The following KIF26B variants were observed in gnomAD, a reference collection of about 807,000 sequenced individuals.
KIF26B encodes kinesin family member 26B.
In KIF26B, 63 loss-of-function variants were observed where a neutral mutation model predicts 151.2. That is an observed-to-expected ratio of 0.42 (90% CI 0.34 to 0.51). The LOEUF is 0.51. Ranked by LOEUF, KIF26B falls within the 20% of genes least tolerant of loss-of-function variation. KIF26B has a pLI of 0.07. For synonymous variants in KIF26B, 1,357 were observed against 1,262.1 expected (o/e 1.08, Z -1.59); for missense variants, 2,813 against 2,913.6 (o/e 0.97, Z 0.79).
At chr1:245,570,389 G>A (rs973538269) in intron 5 of KIF26B, among the ~76,000 whole-genome samples, 7 of 152,194 alleles carry the variant, frequency 4.6e-5, no homozygotes, top group Admixed American at 2.0e-4. Context: ...TTTTTTCCTC[G>A]TGATGTTACT....
chr1:245,183,893 AAGGGCAGAC>A (rs1254944675), intron 2 of KIF26B, among the ~76,000 whole-genome samples: 1 of 152,006 alleles, frequency 6.6e-6, no homozygotes, highest in African/African-American at 2.4e-5. Context: ...AGGTTGTCAG[AAGGGCAGAC>A]AGAGTGATGG....
intron 3 of KIF26B, among the ~76,000 whole-genome samples, chr1:245,390,943 A>AAAACAAAACAAAAAAAAAC (rs1553270129): frequency 8.4e-6 from 1 of 118,456 alleles, no homozygotes; most frequent in African/African-American, 4.1e-5. Flanking sequence ...AAAAAAAAAA[A>AAAACAAAACAAAAAAAAAC]AAAAAAAAAC....
At chr1:245,612,283 T>A (rs1423183374) in intron 9 of KIF26B, among the ~76,000 whole-genome samples, 1 of 152,086 alleles carries the variant, frequency 6.6e-6, no homozygotes, top group African/African-American at 2.4e-5. Context: ...GCTATTTATT[T>A]GGTTATCTTT....
At chr1:245,210,723 T>G (rs1406680488) in intron 2 of KIF26B, among the ~76,000 whole-genome samples, 1 of 152,122 alleles carries the variant, frequency 6.6e-6, no homozygotes, top group Admixed American at 6.6e-5. Context: ...GAGCCTGTGG[T>G]AGGCCCTGTC....
At chr1:245,284,489 A>C (rs1384682156) in intron 2 of KIF26B, among the ~76,000 whole-genome samples, 1 of 152,020 alleles carries the variant, frequency 6.6e-6, no homozygotes, top group African/African-American at 2.4e-5. Context: ...GCATTTCTTC[A>C]TTTCATTTAT....
At chr1:245,282,035 A>G (rs935034404) in intron 2 of KIF26B, among the ~76,000 whole-genome samples, 3 of 152,168 alleles carry the variant, frequency 2.0e-5, no homozygotes, top group Non-Finnish European at 4.4e-5. Flanking sequence ...TCCAACTTAC[A>G]AGGGATGTGA....
Position 245,227,432 on chromosome 1 carries a change from G to A in KIF26B, c.465+70749G>A, listed in dbSNP as rs1056120436. On this transcript the variant is annotated intron_variant, in intron 2 of 14. Coordinates refer to ENST00000407071, the MANE Select transcript of KIF26B (RefSeq NM_018012.4). The surrounding 1 kb of genome is among the most constrained non-coding windows in gnomAD (Gnocchi z 4.1). ...ATCTGGGCCTAAGGCTGCGGCCTCC[G>A]TCCTCTTCGCCATCATTGGCCTCTC... is the stretch of plus-strand genomic sequence containing the variant. Among the ~76,000 whole-genome samples, 5 of 152,176 alleles carry A rather than the reference G, an allele frequency of 3.3e-5. No homozygotes were observed. Among genetic ancestry groups the A allele is most frequent in the Admixed American group, 6.5e-5 (1 of 15,288 alleles).
At chr1:245,237,986 A>G (rs1014248421) in intron 2 of KIF26B, among the ~76,000 whole-genome samples, 3 of 150,884 alleles carry the variant, frequency 2.0e-5, no homozygotes, top group Non-Finnish European at 2.9e-5. Context: ...TGATTGCACT[A>G]CTGCACTCCA....
chr1:245,584,355 G>T (rs1192034027), intron 5 of KIF26B, among the ~76,000 whole-genome samples: 1 of 151,422 alleles, frequency 6.6e-6, no homozygotes, highest in Non-Finnish European at 1.5e-5. Context: ...CCCAGACTTG[G>T]GTATTTCTTT....
chr1:245,616,988 G>A (rs1258429414), intron 9 of KIF26B, among the ~76,000 whole-genome samples: 1 of 152,102 alleles, frequency 6.6e-6, no homozygotes, highest in Non-Finnish European at 1.5e-5. Context: ...TTGTAGGCTG[G>A]GCTGCTGTGT....
intron 4 of KIF26B, among the ~76,000 whole-genome samples, chr1:245,500,378 C>G (rs756522368): frequency 6.6e-6 from 1 of 152,182 alleles, no homozygotes; most frequent in Non-Finnish European, 1.5e-5. Context: ...AAATACATCT[C>G]ACATTTGAGG....
chr1:245,571,914 G>T (rs2043069748), intron 5 of KIF26B, among the ~76,000 whole-genome samples: 1 of 152,196 alleles, frequency 6.6e-6, no homozygotes, highest in South Asian at 2.1e-4. Flanking sequence ...CATCAAAGGG[G>T]CTAATCGTCC....
intron 3 of KIF26B, among the ~76,000 whole-genome samples, chr1:245,398,073 A>G (rs1464787104): frequency 6.6e-6 from 1 of 152,186 alleles, no homozygotes; most frequent in African/African-American, 2.4e-5. Flanking sequence ...AAAGGGCTGA[A>G]TGAATACCCT....
At chr1:245,186,867 T>C (rs1669009356) in intron 2 of KIF26B, among the ~76,000 whole-genome samples, 1 of 152,164 alleles carries the variant, frequency 6.6e-6, no homozygotes, top group Non-Finnish European at 1.5e-5. Flanking sequence ...TTCTTTCTTT[T>C]TTTTTCTGAG....
chr1:245,600,684 G>A (rs2043386778), intron 5 of KIF26B, among the ~76,000 whole-genome samples: 1 of 152,016 alleles, frequency 6.6e-6, no homozygotes, highest in Admixed American at 6.6e-5. Context: ...TTAATGGTAA[G>A]GCTTGAGGCT....
intron 2 of KIF26B, among the ~76,000 whole-genome samples, chr1:245,268,531 A>T (rs7513503): frequency 0.48 from 71,157 of 146,744 alleles, 17,669 homozygotes; most frequent in East Asian, 0.59. Context: ...TTTTTTTTTA[A>T]AAATTGGGAT....
chr1:245,238,483 T>A (rs1670154933), intron 2 of KIF26B, among the ~76,000 whole-genome samples: 1 of 151,884 alleles, frequency 6.6e-6, no homozygotes, highest in Non-Finnish European at 1.5e-5. Flanking sequence ...AACCTATCCA[T>A]CAAAGACAAT....
chr1:245,230,107 T>C (rs1437492149), intron 2 of KIF26B, among the ~76,000 whole-genome samples: 3 of 147,054 alleles, frequency 2.0e-5, no homozygotes, highest in Non-Finnish European at 4.4e-5. Context: ...CACTCCAGCC[T>C]GGGCGATAGA....
At chr1:245,517,818 G>A (rs1411132698) in intron 4 of KIF26B, among the ~76,000 whole-genome samples, 2 of 152,020 alleles carry the variant, frequency 1.3e-5, no homozygotes, top group Non-Finnish European at 2.9e-5. Context: ...AGAGGAATTG[G>A]CATGATTCTC....
Sources: allele counts gnomAD v4.1 joint callset (sites outside exome capture counted in the v4.1 genomes callset), GRCh38; gene constraint gnomAD v4.1.1; non-coding constraint Gnocchi (gnomAD v3.1); transcripts MANE v1.5; gene names NCBI Gene and HGNC (gene_info 2026-07-23, HGNC 2026-07-21).